The following SLCO6A1 variants were observed in gnomAD, a reference collection of about 807,000 sequenced individuals.
SLCO6A1 encodes the protein solute carrier organic anion transporter family member 6A1.
In SLCO6A1, 65 loss-of-function variants were observed where a neutral mutation model predicts 72.7. That is an observed-to-expected ratio of 0.89 (90% confidence interval 0.73 to 1.10). The LOEUF (loss-of-function observed/expected upper bound fraction) is 1.10, where lower values mean the gene tolerates loss of function less well. SLCO6A1 is among the 50% of genes least tolerant of loss of function. The probability of loss-of-function intolerance (pLI) is 0.00; values close to 1 mark genes in which losing one functional copy is unlikely to be tolerated. For synonymous variants in SLCO6A1, 314 were observed against 298.2 expected, an observed-to-expected ratio of 1.05 and a Z score of -0.55; for missense variants, 874 against 872.6, an observed-to-expected ratio of 1.00 and a Z score of -0.02.
chr5:102,490,681 A>G (rs1242345854), intron 1 of SLCO6A1, among the ~76,000 whole-genome samples: 1 of 152,076 alleles, frequency 6.6e-6, no homozygotes, highest in Non-Finnish European at 1.5e-5. Flanking sequence ...TCCCTGGCTC[A>G]GGAGCAAAGC....
chr5:102,373,089 T>C (rs1750713026), intron 13 of SLCO6A1, among the ~76,000 whole-genome samples: 1 of 151,832 alleles, frequency 6.6e-6, no homozygotes, highest in African/African-American at 2.4e-5. Context: ...TTAACCTAGG[T>C]GTATTTTCCT....
chr5:102,469,937 T>TTCTGTTTA (rs1751516270), intron 4 of SLCO6A1, among the ~76,000 whole-genome samples: 1 of 152,164 alleles, frequency 6.6e-6, no homozygotes, highest in African/African-American at 2.4e-5. Flanking sequence ...TTGTCGTTGG[T>TTCTGTTTA]TCTGTTTATG....
At chr5:102,404,262 G>A (rs918875801) in intron 9 of SLCO6A1, among the ~76,000 whole-genome samples, 4 of 152,208 alleles carry the variant, frequency 2.6e-5, no homozygotes, top group Non-Finnish European at 5.9e-5. Context: ...TTAGGACACT[G>A]AGGCAGGTGG....
At chr5:102,491,767 C>T (rs1752690046) in intron 1 of SLCO6A1, among the ~76,000 whole-genome samples, 1 of 152,366 alleles carries the variant, frequency 6.6e-6, no homozygotes, top group Middle Eastern at 3.4e-3. Context: ...CCGGCTCCGG[C>T]CTTGGCCAGC....
chr5:102,405,037 T>C (rs1747599625), intron 9 of SLCO6A1, among the ~76,000 whole-genome samples: 1 of 152,070 alleles, frequency 6.6e-6, no homozygotes, highest in South Asian at 2.1e-4. Flanking sequence ...AAAGCCAAAA[T>C]ATTCATTATG....
At chr5:102,414,086 G>A (rs2112592628) in intron 8 of SLCO6A1, among the ~76,000 whole-genome samples, 1 of 152,010 alleles carries the variant, frequency 6.6e-6, no homozygotes, top group Middle Eastern at 3.4e-3. Context: ...TTTCTGACAA[G>A]TTTCAATTTA....
At chr5:102,457,396 A>T (rs1750784030) in intron 6 of SLCO6A1, among the ~76,000 whole-genome samples, 1 of 151,928 alleles carries the variant, frequency 6.6e-6, no homozygotes, top group Admixed American at 6.6e-5. Context: ...GAACTCAAAC[A>T]AATTTACAAG....
chr5:102,465,493 T>G (rs1751266963), intron 4 of SLCO6A1, among the ~76,000 whole-genome samples: 1 of 152,166 alleles, frequency 6.6e-6, no homozygotes, highest in East Asian at 1.9e-4. Context: ...CCTAGTATCA[T>G]TTCTCAAATT....
chr5:102,490,784 G>C (rs1038079407), intron 1 of SLCO6A1, among the ~76,000 whole-genome samples: 4 of 152,140 alleles, frequency 2.6e-5, no homozygotes, highest in Admixed American at 2.6e-4. Context: ...GCTGGCTTCA[G>C]GAGTGAAGCT....
At chr5:102,402,824 A>T (rs916998151) in intron 9 of SLCO6A1, among the ~76,000 whole-genome samples, 6 of 152,184 alleles carry the variant, frequency 3.9e-5, no homozygotes, top group African/African-American at 1.4e-4. Flanking sequence ...TTCCTCATTT[A>T]AATTGGAACA....
At chr5:102,399,487 T>C in intron 10 of SLCO6A1, 68 bp downstream of exon 10, 1 of 1,073,196 alleles carries the variant, frequency 9.3e-7, no homozygotes, top group Non-Finnish European at 1.2e-6. Context: ...TACAATATTC[T>C]AAAATCTTTC....
At chr5:102,483,151 G>C (rs575379679) in intron 1 of SLCO6A1, among the ~76,000 whole-genome samples, 1 of 151,960 alleles carries the variant, frequency 6.6e-6, no homozygotes, top group Admixed American at 6.6e-5. Flanking sequence ...TCATTATTGA[G>C]AGCCTCTTGT....
intron 1 of SLCO6A1, among the ~76,000 whole-genome samples, chr5:102,491,817 G>C (rs1752692966): frequency 6.6e-6 from 1 of 152,274 alleles, no homozygotes; most frequent in Non-Finnish European, 1.5e-5. Flanking sequence ...AGGCTGGAGG[G>C]CTCCTCAAGC....
intron 12 of SLCO6A1, among the ~76,000 whole-genome samples, chr5:102,375,997 T>C (rs943978823): frequency 1.3e-5 from 2 of 152,082 alleles, no homozygotes; most frequent in Non-Finnish European, 1.5e-5. Flanking sequence ...AGGCACATTG[T>C]AGTCAATTTA....
At chr5:102,390,944 C>A (rs6874612) in intron 11 of SLCO6A1, 37 bp downstream of exon 11, 1,022,786 of 1,572,136 alleles carry the variant, frequency 0.65, 334,506 homozygotes, top group African/African-American at 0.67. Context: ...TATCAAAAAA[C>A]ATTTTGATGT....
intron 6 of SLCO6A1, among the ~76,000 whole-genome samples, chr5:102,443,237 T>C (rs1229802660): frequency 6.6e-6 from 1 of 152,104 alleles, no homozygotes; most frequent in Non-Finnish European, 1.5e-5. Flanking sequence ...TCATTCAGAG[T>C]AAGTCTTAAT....
chr5:102,444,016 C>T (rs753335937), intron 6 of SLCO6A1, among the ~76,000 whole-genome samples: 4 of 152,126 alleles, frequency 2.6e-5, no homozygotes, highest in South Asian at 4.1e-4. Flanking sequence ...TTTTTCCACA[C>T]GAGAAGGGGT....
At chr5:102,372,546 C>A (rs1750681707) in intron 13 of SLCO6A1, among the ~76,000 whole-genome samples, 1 of 151,740 alleles carries the variant, frequency 6.6e-6, no homozygotes, top group South Asian at 2.1e-4. Context: ...AAATAGTTGA[C>A]ACATTTTCTA....
intron 4 of SLCO6A1, among the ~76,000 whole-genome samples, chr5:102,468,949 T>G (rs1055309627): frequency 1.3e-5 from 2 of 152,186 alleles, no homozygotes; most frequent in African/African-American, 4.8e-5. Flanking sequence ...TTGTCAGGTT[T>G]GTCAAAGATC....
Sources: allele counts gnomAD v4.1 joint callset (sites outside exome capture counted in the v4.1 genomes callset), GRCh38; gene constraint gnomAD v4.1.1; transcripts MANE v1.5; gene names NCBI Gene and HGNC (gene_info 2026-07-23, HGNC 2026-07-21).